Variants in SLC14A2 observed in about 807,000 individuals in gnomAD.
SLC14A2 encodes the protein urea transporter 2.
Under a neutral mutation model 104.6 loss-of-function variants are expected in SLC14A2, and 91 were observed. The ratio of observed to expected loss-of-function variants is 0.87; its 90% CI spans 0.73 to 1.04. The LOEUF is 1.04. SLC14A2 is among the 50% of genes least tolerant of loss of function. The pLI is 0.00. For synonymous variants in SLC14A2, 476 were observed against 466.4 expected, an observed-to-expected ratio of 1.02 and a Z score of -0.27; for missense variants, 1,189 against 1,156.0, an observed-to-expected ratio of 1.03 and a Z score of -0.41.
intron 1 of SLC14A2, among the ~76,000 whole-genome samples, chr18:45,391,932 T>C (rs1440559877): frequency 1.3e-5 from 2 of 152,246 alleles, no homozygotes; most frequent in East Asian, 1.9e-4. Context: ...TTGGTTTAAT[T>C]AGATCCCACT....
intron 2 of SLC14A2, among the ~76,000 whole-genome samples, chr18:45,506,526 G>A (rs2043288039): frequency 6.6e-6 from 1 of 152,124 alleles, no homozygotes; most frequent in Non-Finnish European, 1.5e-5. Flanking sequence ...CCTAGATAGG[G>A]CGGACCCAAA....
chr18:45,535,215 T>C (rs1171462004), intron 2 of SLC14A2, among the ~76,000 whole-genome samples: 2 of 152,208 alleles, frequency 1.3e-5, no homozygotes, highest in Non-Finnish European at 2.9e-5. Context: ...GGAAGGAGCT[T>C]GTTAGCACTA....
chr18:45,439,545 G>T (rs7234990), intron 1 of SLC14A2, among the ~76,000 whole-genome samples: 83,937 of 152,008 alleles, frequency 0.55, 23,376 homozygotes, highest in Admixed American at 0.68. Flanking sequence ...GATTCATGGA[G>T]GAACACAACC....
chr18:45,218,303 A>T (rs2084028776), intron 1 of SLC14A2, among the ~76,000 whole-genome samples: 1 of 152,332 alleles, frequency 6.6e-6, no homozygotes, highest in African/African-American at 2.4e-5. Context: ...TTAGCAAAAC[A>T]TCTTTAAATT....
chr18:45,281,714 G>A (rs1191764704), intron 1 of SLC14A2, among the ~76,000 whole-genome samples: 1 of 152,166 alleles, frequency 6.6e-6, no homozygotes, highest in Non-Finnish European at 1.5e-5. Context: ...CCACTTAATG[G>A]CTAAGGAGGG....
chr18:45,211,041 C>T (rs2083956975), upstream of SLC14A2, among the ~76,000 whole-genome samples: 1 of 152,160 alleles, frequency 6.6e-6, no homozygotes. Flanking sequence ...CTATTTTCCC[C>T]TTTTCCCGAG....
intron 2 of SLC14A2, among the ~76,000 whole-genome samples, chr18:45,592,559 A>T (rs1056329738): frequency 6.6e-6 from 1 of 152,236 alleles, no homozygotes; most frequent in African/African-American, 2.4e-5. Flanking sequence ...ACTAGAAGGC[A>T]GTGGTCTAGT....
At chr18:45,416,611 T>C (rs921399761) in intron 1 of SLC14A2, among the ~76,000 whole-genome samples, 1 of 152,144 alleles carries the variant, frequency 6.6e-6, no homozygotes, top group African/African-American at 2.4e-5. Flanking sequence ...TGATCATTGT[T>C]GTTATTGTTA....
At chr18:45,341,112 T>A (rs16978344) in intron 1 of SLC14A2, among the ~76,000 whole-genome samples, 1 of 152,114 alleles carries the variant, frequency 6.6e-6, no homozygotes, top group African/African-American at 2.4e-5. Context: ...CTGACCAAGA[T>A]TGTGGTTTAT....
chr18:45,681,584 G>A (rs1219271661), intron 19 of SLC14A2, among the ~76,000 whole-genome samples: 1 of 152,218 alleles, frequency 6.6e-6, no homozygotes, highest in Non-Finnish European at 1.5e-5. Context: ...GAGCCCTTGA[G>A]AAGAAAGGCA....
At chr18:45,622,829 A>G (rs1453480029) in intron 1 of SLC14A2, among the ~76,000 whole-genome samples, 1 of 152,224 alleles carries the variant, frequency 6.6e-6, no homozygotes, top group Non-Finnish European at 1.5e-5. Flanking sequence ...CAGCCATAGC[A>G]GAAAGCAGAC....
At chr18:45,551,698 T>C (rs1017463018) in intron 2 of SLC14A2, among the ~76,000 whole-genome samples, 1 of 152,156 alleles carries the variant, frequency 6.6e-6, no homozygotes, top group African/African-American at 2.4e-5. Context: ...GGAGGGAAGG[T>C]TGGCCCAGAG....
chr18:45,635,023 A>C (rs2045397004), intron 5 of SLC14A2: 9 of 341,914 alleles, frequency 2.6e-5, no homozygotes, highest in South Asian at 2.1e-4. Flanking sequence ...GGTTGTGGAA[A>C]ACCAAGGAGA....
At position 45,451,272 on chromosome 18, in the gene SLC14A2, T is replaced by C. The variant is rs535142399; in HGVS notation, c.-124-31961T>C. On this transcript the variant is annotated intron_variant, in intron 1 of 20. Transcript: ENST00000586448. ...CCTGAAAGAACTTGCTGAAAGCCTG[T>C]CCCTAAGAGAGGGGGTTCTCGGGGA... is the stretch of plus-strand genomic sequence containing the variant. Among the ~76,000 whole-genome samples the C allele has an allele frequency of 3.9e-5, 6 of 152,076 alleles. No homozygotes were observed. The East Asian group carries it at 9.7e-4, about 25-fold the overall frequency.
chr18:45,181,848 T>C, the SLC14A2 span, among the ~76,000 whole-genome samples: 1 of 152,268 alleles, frequency 6.6e-6, no homozygotes, highest in South Asian at 2.1e-4. Context: ...ATTAAGATAA[T>C]TTGAATATAA....
chr18:45,579,750 T>C (rs775582251), intron 2 of SLC14A2, among the ~76,000 whole-genome samples: 26 of 152,094 alleles, frequency 1.7e-4, no homozygotes, highest in Non-Finnish European at 3.7e-4. Flanking sequence ...AAGATGCCCA[T>C]AGATGAGTGC....
At chr18:45,614,077 A>C (rs975755133), upstream of SLC14A2, among the ~76,000 whole-genome samples, 1 of 152,224 alleles carries the variant, frequency 6.6e-6, no homozygotes, top group African/African-American at 2.4e-5. Context: ...CCAGGGCCCC[A>C]CTACTGCCCT....
intron 15 of SLC14A2, 127 bp downstream of exon 15, chr18:45,668,604 TC>T: frequency 9.6e-7 from 1 of 1,043,236 alleles, no homozygotes. Flanking sequence ...ATCAGAAATG[TC>T]CACTGGACTA....
At chr18:45,278,709 A>G (rs8094055) in intron 1 of SLC14A2, among the ~76,000 whole-genome samples, 15,451 of 152,148 alleles carry the variant, frequency 0.1, 1,731 homozygotes, top group African/African-American at 0.26. Context: ...CTTGGATTTC[A>G]CATCCACAAA....
Sources: gnomAD v4.1 joint callset for allele counts (sites outside exome capture counted in the v4.1 genomes callset) on GRCh38, gnomAD v4.1.1 for gene constraint, MANE v1.5 for transcripts, NCBI Gene and HGNC (gene_info 2026-07-23, HGNC 2026-07-21) for gene names.